The following DPP8 variants were observed in gnomAD, a reference collection of about 807,000 sequenced individuals.
The protein encoded by DPP8 is dipeptidyl peptidase 8.
DPP8 carries 31 observed loss-of-function variants against 107.5 expected under a neutral mutation model. That is an observed-to-expected ratio of 0.29 (90% confidence interval 0.22 to 0.39). The LOEUF is 0.39. Among genes scored for constraint, DPP8 ranks in the 10% least tolerant of loss-of-function variants. The pLI is 1.00. For synonymous variants in DPP8, 381 were observed against 356.6 expected (o/e 1.07, Z -0.77); for missense variants, 842 against 1,076.1 (o/e 0.78, Z 3.04).
At chr15:65,456,093 A>C in intron 16 of DPP8, 132 bp downstream of exon 16, 1 of 1,118,930 alleles carries the variant, frequency 8.9e-7, no homozygotes, top group Non-Finnish European at 1.2e-6. Flanking sequence ...CCCACCCCCA[A>C]ACTCTAACAC....
rs141363977 is a variant in DPP8 at position 65,492,021 on chromosome 15, C to T, written c.716-1722G>A. 1.2e-3 allele frequency among the ~76,000 whole-genome samples: 175 copies of T among 151,622 alleles called. 3 individuals are homozygous for T. The highest frequency in any genetic ancestry group is 6.7e-3 in the South Asian group (32 of 4,792). ...TGCTGGGATTACAGGCGTGAGCCAC[C>T]ACGCCCGGCCACATTATTACTGTGT... On this transcript the variant is annotated intron_variant, in intron 5 of 19. Coordinates refer to ENST00000300141, the MANE Select transcript of DPP8 (RefSeq NM_130434.5).
intron 5 of DPP8, 59 bp from the exon 6 acceptor site, chr15:65,490,358 C>T (rs1402862218): frequency 2.0e-6 from 2 of 1,023,900 alleles, no homozygotes; most frequent in East Asian, 4.8e-5. Context: ...AGGTACAAAG[C>T]AAAATGATTC....
intron 1 of DPP8, chr15:65,515,613 G>A: frequency 6.3e-7 from 1 of 1,581,642 alleles, no homozygotes; most frequent in South Asian, 1.1e-5. Flanking sequence ...ATATTTCACT[G>A]CCCCACCTAC....
intron 2 of DPP8, chr15:65,512,039 C>T (rs2070851329): frequency 1.6e-6 from 1 of 614,504 alleles, no homozygotes. Context: ...TTCAAGCTAG[C>T]TTTAGGAAGA....
At chr15:65,499,105 G>GTGTGTATATA (rs1555468189) in intron 4 of DPP8, among the ~76,000 whole-genome samples, 72 of 138,828 alleles carry the variant, frequency 5.2e-4, no homozygotes, top group African/African-American at 1.9e-3. Flanking sequence ...GTGTGTGTGT[G>GTGTGTATATA]TATATATAAA....
intron 15 of DPP8, among the ~76,000 whole-genome samples, chr15:65,462,185 T>C (rs1048162679): frequency 3.9e-4 from 59 of 151,900 alleles, no homozygotes; most frequent in African/African-American, 1.3e-3. Flanking sequence ...GCCAGGCTGG[T>C]CTTGAACTCC....
Position 65,487,747 on chromosome 15 carries a change from C to T in DPP8, c.898G>A (p.Val300Ile), listed in dbSNP as rs751219171. Residue 300 changes from valine (V) to isoleucine (I), a missense_variant, in exon 7 of 20, where the codon GTT (valine) becomes ATT (isoleucine). Val to Ile is a conservative substitution (Grantham distance 29). Around this residue, in one of 2 missense-constraint regions of DPP8, gnomAD observed 663 missense variants for 758.0 expected, o/e 0.87. Transcript: ENST00000300141. Reference protein sequence around the residue: ...NDESEVEIIHVTSPMLETRRA... With the variant: ...NDESEVEIIHITSPMLETRRA... ...CTTGTTTCCAACATAGGGGATGTAACATGAATAATTTCCACCTCAGATTCA... is the reference window on the plus strand; with the variant it reads ...CTTGTTTCCAACATAGGGGATGTAATATGAATAATTTCCACCTCAGATTCA... 1.0e-5 allele frequency: 16 copies of T among 1,605,706 alleles called. No individual in the cohort carries two copies. The highest frequency in any genetic ancestry group is 1.4e-5 in the Non-Finnish European group (16 of 1,173,346).
At chr15:65,459,807 T>C (rs1001110909) in intron 15 of DPP8, among the ~76,000 whole-genome samples, 6 of 151,930 alleles carry the variant, frequency 3.9e-5, no homozygotes, top group African/African-American at 1.4e-4. Flanking sequence ...ATATAAAAAT[T>C]AGCCAGGTAT....
chr15:65,491,383 ACT>A (rs778643334), intron 5 of DPP8, among the ~76,000 whole-genome samples: 5 of 152,102 alleles, frequency 3.3e-5, no homozygotes, highest in Non-Finnish European at 7.3e-5. Context: ...TCTTAAATGT[ACT>A]GTTTATTTTT....
At position 65,487,785 on chromosome 15, in the gene DPP8, T is replaced by A; in HGVS notation, c.860A>T (p.Tyr287Phe). The change falls in exon 7 of 20, where the codon TAT (tyrosine) becomes TTT (phenylalanine). Residue 287 changes from tyrosine (Y) to phenylalanine (F), a missense_variant. Coordinates refer to ENST00000300141, the MANE Select transcript of DPP8 (RefSeq NM_130434.5). Reference protein sequence around the residue: ...PSGGKILRILYEENDESEVEI... With the variant: ...PSGGKILRILFEENDESEVEI... Reference sequence around the variant, plus strand: ...CACCTCAGATTCATCATTTTCTTCATATAGAATTCTAAGAATTTTACCACC... The same window carrying A: ...CACCTCAGATTCATCATTTTCTTCAAATAGAATTCTAAGAATTTTACCACC... The A allele has an allele frequency of 6.3e-7, 1 of 1,580,488 alleles. No homozygotes were observed. Among genetic ancestry groups the A allele is most frequent in the Non-Finnish European group, 8.7e-7 (1 of 1,153,480 alleles).
At chr15:65,481,438 C>T (rs980561579) in intron 9 of DPP8, 77 bp downstream of exon 9, 2 of 1,035,700 alleles carry the variant, frequency 1.9e-6, no homozygotes, top group African/African-American at 3.3e-5. Context: ...AACTACAAGG[C>T]AAACCTAATA....
intron 5 of DPP8, among the ~76,000 whole-genome samples, chr15:65,491,278 C>T (rs1302813135): frequency 6.6e-6 from 1 of 151,392 alleles, no homozygotes; most frequent in Non-Finnish European, 1.5e-5. Flanking sequence ...TATAAAAATG[C>T]ATTTTTAAAA....
chr15:65,481,096 G>A (rs1472926240), intron 9 of DPP8, among the ~76,000 whole-genome samples: 3 of 139,660 alleles, frequency 2.1e-5, no homozygotes, highest in Non-Finnish European at 4.6e-5. Context: ...AAAAAAAAAA[G>A]TTTTCTCCCT....
Position 65,463,900 on chromosome 15 carries a change from A to C in DPP8, c.1832T>G (p.Leu611Arg), listed in dbSNP as rs747052608. The C allele has an allele frequency of 6.4e-7, 1 of 1,572,380 alleles. No homozygotes were observed. The highest frequency in any genetic ancestry group is 1.4e-5 in the African/African-American group (1 of 72,454). ...WATILDSAGP[L>R]PDYTPPEIFS... The stretch of plus-strand genomic sequence containing the variant: ...AATTTCTGGAGGAGTATAGTCAGGA[A>C]GAGGACCTGTGAATAGGTAACATAA... The change falls in exon 15 of 20, where the codon CTT becomes CGT. Residue 611 changes from leucine to arginine, a missense_variant. By Grantham distance (102) the Leu-to-Arg change is moderately radical. This residue lies in a region of DPP8 where 663 missense variants were observed against 758.0 expected (regional missense o/e 0.87). Coordinates refer to ENST00000300141, the MANE Select transcript of DPP8 (RefSeq NM_130434.5).
At chr15:65,479,092 T>G in intron 10 of DPP8, 53 bp from the exon 11 acceptor site, 1 of 1,275,318 alleles carries the variant, frequency 7.8e-7, no homozygotes, top group East Asian at 2.8e-5. Flanking sequence ...TACTACATAA[T>G]TCAATTAGGC....
intron 4 of DPP8, among the ~76,000 whole-genome samples, chr15:65,499,060 C>A (rs147605445): frequency 0.035 from 4,377 of 124,930 alleles, 79 homozygotes; most frequent in Middle Eastern, 0.057. Flanking sequence ...TGTCTCCCCC[C>A]CAAAAAAAAA....
chr15:65,493,409 CA>C (rs1371535583), intron 5 of DPP8, among the ~76,000 whole-genome samples: 1 of 152,060 alleles, frequency 6.6e-6, no homozygotes, highest in African/African-American at 2.4e-5. Context: ...GTACATCTAC[CA>C]TAATACATTA....
intron 3 of DPP8, 72 bp from the exon 4 acceptor site, chr15:65,500,851 A>G: frequency 1.0e-6 from 1 of 992,142 alleles, no homozygotes; most frequent in Non-Finnish European, 1.5e-6. Context: ...CTGAAATCCT[A>G]GAATCTCCAA....
intron 3 of DPP8, 86 bp from the exon 4 acceptor site, chr15:65,500,865 T>G (rs2069146873): frequency 1.1e-6 from 1 of 917,452 alleles, no homozygotes; most frequent in South Asian, 1.9e-5. Context: ...TCTCCAACAT[T>G]ATTGACTCTT....
Sources: gnomAD v4.1 joint callset for allele counts (sites outside exome capture counted in the v4.1 genomes callset) on GRCh38, gnomAD v4.1.1 for gene constraint, gnomAD v4.1.1 regional missense constraint, MANE v1.5 for transcripts, NCBI Gene and HGNC (gene_info 2026-07-23, HGNC 2026-07-21) for gene names.